Variants in CEP104 observed in about 807,000 individuals in gnomAD.
CEP104 encodes centrosomal protein 104.
Under a neutral mutation model 113.3 loss-of-function variants are expected in CEP104, and 84 were observed. The observed-to-expected ratio is 0.74, with a 90% CI of 0.62 to 0.89. The LOEUF (loss-of-function observed/expected upper bound fraction) is 0.89, where lower values mean the gene tolerates loss of function less well. Ranked by LOEUF, CEP104 falls within the 40% of genes least tolerant of loss-of-function variation. The probability of loss-of-function intolerance (pLI) is 0.00; values close to 1 mark genes in which losing one functional copy is unlikely to be tolerated. For synonymous variants in CEP104, 378 were observed against 421.7 expected, an observed-to-expected ratio of 0.90 and a Z score of 1.27; for missense variants, 1,053 against 1,156.6, an observed-to-expected ratio of 0.91 and a Z score of 1.30.
At chr1:3,851,767 A>T (rs1644615324) in intron 2 of CEP104, among the ~76,000 whole-genome samples, 1 of 152,236 alleles carries the variant, frequency 6.6e-6, no homozygotes, top group Non-Finnish European at 1.5e-5. Context: ...CTCCTGTCTC[A>T]GCATCCTGAG....
At chr1:3,845,093 T>A in intron 5 of CEP104, 110 bp from the exon 6 acceptor site, 1 of 974,506 alleles carries the variant, frequency 1.0e-6, no homozygotes, top group Non-Finnish European at 1.6e-6. Context: ...TCAATGATCC[T>A]CATCTTTTGG....
At chr1:3,840,885 C>T (rs772114898) in intron 6 of CEP104, among the ~76,000 whole-genome samples, 3 of 152,166 alleles carry the variant, frequency 2.0e-5, no homozygotes, top group Non-Finnish European at 4.4e-5. Flanking sequence ...AGAATTGCTA[C>T]CACTGAGGTT....
chr1:3,843,251 G>C (rs1411130428), intron 6 of CEP104: 2 of 711,720 alleles, frequency 2.8e-6, no homozygotes, highest in East Asian at 2.7e-5. Flanking sequence ...CCAGGACAGA[G>C]AGGGTGACCG....
intron 10 of CEP104, 52 bp downstream of exon 10, chr1:3,836,443 A>C: frequency 6.4e-7 from 1 of 1,564,876 alleles, no homozygotes; most frequent in Non-Finnish European, 8.6e-7. Context: ...CGTACCATAT[A>C]GACTAGCCTC....
intron 21 of CEP104, among the ~76,000 whole-genome samples, chr1:3,815,989 A>T (rs1316894936): frequency 2.0e-5 from 3 of 152,248 alleles, no homozygotes; most frequent in East Asian, 1.9e-4. Flanking sequence ...CTGATTCTAA[A>T]CACTTGAGTC....
At position 3,831,136 on chromosome 1, in the gene CEP104, G is replaced by A; in HGVS notation, c.1746C>T (p.His582=). 6.2e-7 allele frequency: 1 copy of A among 1,614,234 alleles called. No individual in the cohort carries two copies. Among genetic ancestry groups the A allele is most frequent in the South Asian group, 1.1e-5 (1 of 91,092 alleles). ...VQPLKANSSV[H]LAMSQMGLLA... is the part of the protein sequence containing the mutation. ...GGAGGCCCATCTGACTCATTGCCAG[G>A]TGAACTGAAGAGTTTGCTTTCAATG... Residue 582 remains histidine (H), a synonymous_variant, in exon 13 of 22, where the codon CAC becomes CAT. Coordinates refer to ENST00000378230, the MANE Select transcript of CEP104 (RefSeq NM_014704.4).
At position 3,836,298 on chromosome 1, in the gene CEP104, C is replaced by A. The variant is rs1215717247; in HGVS notation, c.1317+197G>T. 1.7e-4 allele frequency among the ~76,000 whole-genome samples: 12 copies of A among 72,070 alleles called. No individual in the cohort carries two copies. The South Asian group carries it at 3.4e-3, about 21-fold the overall frequency. The allele number at this position is 72,070 out of a possible 152,430, so 47.3% of individuals were successfully genotyped here. On this transcript the variant is annotated intron_variant, in intron 10 of 21. Transcript: ENST00000378230. ...TCCAGCCTGGGTGAAGAGCAAGACT[C>A]CGTCTCAAAAAAAAAAAAAAAAAAA...
Position 3,830,021 on chromosome 1 carries a change from T to G in CEP104, c.1837-24A>C, listed in dbSNP as rs2275827. On this transcript the variant is annotated intron_variant, in intron 13 of 21. Coordinates refer to ENST00000378230, the MANE Select transcript of CEP104 (RefSeq NM_014704.4). ...AACTAAAGTTGGGAGGGGCTCTTGT[T>G]ACTCATTCTTAAAATAAAACTAATT... The G allele has an allele frequency of 0.25, 390,838 of 1,550,624 alleles. 50,973 individuals are homozygous for G. Among genetic ancestry groups the G allele is most frequent in the Non-Finnish European group, 0.27 (300,134 of 1,123,728 alleles).
intron 9 of CEP104, 116 bp from the exon 10 acceptor site, chr1:3,836,808 T>C: frequency 1.3e-6 from 1 of 798,032 alleles, no homozygotes; most frequent in Non-Finnish European, 2.0e-6. Context: ...AAGATGTTAT[T>C]TTGCTAAATA....
chr1:3,848,061 A>C (rs1436784355), intron 3 of CEP104, among the ~76,000 whole-genome samples: 1 of 152,166 alleles, frequency 6.6e-6, no homozygotes, highest in African/African-American at 2.4e-5. Context: ...TCATCTAATT[A>C]GCATTCTTAA....
intron 10 of CEP104, among the ~76,000 whole-genome samples, 196 bp downstream of exon 10, chr1:3,836,299 C>CG (rs1247729750): frequency 3.8e-5 from 2 of 52,694 alleles, no homozygotes; most frequent in East Asian, 5.0e-4. Context: ...AGCAAGACTC[C>CG]GTCTCAAAAA....
At chr1:3,851,795 GGGAGCCAC>G (rs1644616179) in intron 2 of CEP104, among the ~76,000 whole-genome samples, 2 of 152,198 alleles carry the variant, frequency 1.3e-5, no homozygotes, top group African/African-American at 4.8e-5. Flanking sequence ...GACTGCAGGC[GGGAGCCAC>G]TGTGCCCAAT....
At chr1:3,839,168 A>G (rs368785830) in intron 7 of CEP104, 49 bp from the exon 8 acceptor site, 3 of 1,515,732 alleles carry the variant, frequency 2.0e-6, no homozygotes, top group African/African-American at 1.4e-5. Context: ...ATCAACTCAC[A>G]TCAAATGCAA....
intron 4 of CEP104, among the ~76,000 whole-genome samples, chr1:3,846,319 C>T (rs1440706621): frequency 6.6e-6 from 1 of 152,052 alleles, no homozygotes; most frequent in African/African-American, 2.4e-5. Flanking sequence ...TAGACTAACC[C>T]CACACCGCTT....
At position 3,843,275 on chromosome 1, in the gene CEP104, G is replaced by A. The variant is rs776474666; in HGVS notation, c.566+1632C>T. ...AGAGGGTGACCGAGGATGGCACAGC[G>A]GGGCCCTTTAGCTCCCCAAAAGTGG... On this transcript the variant is annotated intron_variant, in intron 6 of 21. Coordinates refer to ENST00000378230, the MANE Select transcript of CEP104 (RefSeq NM_014704.4). 3.0e-5 allele frequency: 21 copies of A among 705,068 alleles called. 1 individual carries two copies. The highest frequency in any genetic ancestry group is 1.4e-4 in the African/African-American group (8 of 55,670). 43.7% of individuals were successfully genotyped at this position (705,068 alleles called of 1,614,324 possible).
intron 2 of CEP104, 58 bp from the exon 3 acceptor site, chr1:3,848,839 G>A: frequency 7.1e-7 from 1 of 1,417,326 alleles, no homozygotes; most frequent in South Asian, 1.2e-5. Flanking sequence ...GTTTCTAGAT[G>A]CTAGCATCTC....
At chr1:3,817,642 C>CT (rs1643900151) in intron 20 of CEP104, among the ~76,000 whole-genome samples, 1 of 152,164 alleles carries the variant, frequency 6.6e-6, no homozygotes, top group Non-Finnish European at 1.5e-5. Context: ...ATGTGGCCCA[C>CT]CGGCACATGG....
chr1:3,817,341 CA>C (rs1339969909), intron 20 of CEP104, among the ~76,000 whole-genome samples: 1 of 152,172 alleles, frequency 6.6e-6, no homozygotes, highest in Admixed American at 6.5e-5. Flanking sequence ...GACTCCATCT[CA>C]AAAACAAACA....
intron 15 of CEP104, among the ~76,000 whole-genome samples, chr1:3,828,840 C>A (rs1443660041): frequency 3.6e-5 from 4 of 110,514 alleles, no homozygotes; most frequent in Admixed American, 1.6e-4. Flanking sequence ...ACATATGACA[C>A]CCCCACAGGC....
Sources: gnomAD v4.1 joint callset for allele counts (sites outside exome capture counted in the v4.1 genomes callset) on GRCh38, gnomAD v4.1.1 for gene constraint, MANE v1.5 for transcripts, NCBI Gene and HGNC (gene_info 2026-07-23, HGNC 2026-07-21) for gene names.